The following CDH26 variants were observed in gnomAD, a reference collection of about 807,000 sequenced individuals.
CDH26 encodes cadherin 26.
A neutral mutation model predicts 90.3 loss-of-function variants in CDH26; 83 were observed. The ratio of observed to expected loss-of-function variants is 0.92; its 90% CI spans 0.77 to 1.10. The LOEUF is 1.10. Ranked by LOEUF, CDH26 falls within the 50% of genes least tolerant of loss-of-function variation. The probability of loss-of-function intolerance (pLI) is 0.00; values close to 1 mark genes in which losing one functional copy is unlikely to be tolerated. For synonymous variants in CDH26, 397 were observed against 396.3 expected, an observed-to-expected ratio of 1.00 and a Z score of -0.02; for missense variants, 1,013 against 1,037.6, an observed-to-expected ratio of 0.98 and a Z score of 0.33.
chr20:60,030,124 CATAT>C lies in CDH26; in HGVS notation c.948-1104_948-1101del, dbSNP rs1026399504. Among the ~76,000 whole-genome samples the C allele has an allele frequency of 8.5e-5, 13 of 152,142 alleles. No individual in the cohort carries two copies. The highest frequency in any genetic ancestry group is 3.1e-4 in the African/African-American group (13 of 41,422). On this transcript the variant is annotated intron_variant, in intron 7 of 8. Coordinates refer to the CDH26 transcript ENST00000370991. This position sits in a 1 kb window ranked among gnomAD's most constrained non-coding sequence, Gnocchi z 4.0. ...ACTGATATGTTAATATAAAAAAAGA[CATAT>C]ATTGAATATCTACAATCTGATATGA...
At chr20:59,981,962 G>A (rs1333054820) in intron 4 of CDH26, among the ~76,000 whole-genome samples, 1 of 152,006 alleles carries the variant, frequency 6.6e-6, no homozygotes, top group African/African-American at 2.4e-5. Flanking sequence ...GACTATACAG[G>A]TTTTCTGTTT....
intron 17 of CDH26, among the ~76,000 whole-genome samples, chr20:60,008,678 G>C (rs1166710819): frequency 2.0e-5 from 3 of 152,186 alleles, no homozygotes; most frequent in Non-Finnish European, 4.4e-5. Flanking sequence ...TCTGGATGTA[G>C]AGTCACTGTC....
rs370682137 is a variant in CDH26 at position 60,012,728 on chromosome 20, T to TAA, written c.*7_*8dup. 24 of 1,400,444 alleles carry TAA rather than the reference T, an allele frequency of 1.7e-5. No homozygotes were observed. The African/African-American group carries it at 2.5e-4, about 15-fold the overall frequency. 86.8% of individuals were successfully genotyped at this position (1,400,444 alleles called of 1,614,324 possible). The change falls in exon 18 of 18, where the codon TAA becomes TAAAA. Residue 833 remains the stop codon, a frameshift_variant and stop_retained_variant. Coordinates refer to ENST00000348616, the MANE Select transcript of CDH26 (RefSeq NM_177980.4). LOFTEE classifies it high-confidence loss of function. ...ATATTCAGAGTCAGGTGTTCCTTCC[T>TAA]AAAAAAAAAAGTCTATTTTGGAGAA... The part of the protein sequence containing the change: ...EIYSESGVPS[*]
rs895762842 is a variant in CDH26 at position 60,026,864 on chromosome 20, T to C, written c.948-4367T>C. Reference sequence around the variant, plus strand: ...GTATGACATCAAACCTTAGCATGAATGTAAACTTCCACAGGGAAGCTTTGT... The same window carrying C: ...GTATGACATCAAACCTTAGCATGAACGTAAACTTCCACAGGGAAGCTTTGT... On this transcript the variant is annotated intron_variant, in intron 7 of 8. Transcript: ENST00000370991. 1.3e-5 allele frequency among the ~76,000 whole-genome samples: 2 copies of C among 152,212 alleles called. 1 individual carries two copies. Among genetic ancestry groups the C allele is most frequent in the Admixed American group, 1.3e-4 (2 of 15,276 alleles).
In CDH26 at chr20:59,996,635, T is replaced by C. The variant is rs764178190; in HGVS notation, c.1893T>C (p.Ala631=). 2 of 1,614,234 alleles carry C rather than the reference T, an allele frequency of 1.2e-6. No individual in the cohort carries two copies. The highest frequency in any genetic ancestry group is 4.5e-5 in the East Asian group (2 of 44,878). Residue 631 remains alanine, a synonymous_variant, in exon 13 of 18, where the codon GCT becomes GCC. Transcript: ENST00000348616. The part of the protein sequence containing the change: ...VCAAFVALAV[A]LLFLLRCYFV... ...TTCCCCTTTGTCTTATAACAGTGGC[T>C]CTGCTTTTTCTGTTGCGATGCTATT...
At chr20:59,975,521 A>T (rs915285318) in intron 4 of CDH26, among the ~76,000 whole-genome samples, 4 of 152,210 alleles carry the variant, frequency 2.6e-5, no homozygotes, top group African/African-American at 7.2e-5. Context: ...GTATTTTGTT[A>T]CAACAGCCAC....
At position 59,994,426 on chromosome 20, in the gene CDH26, A is replaced by G. The variant is rs1230046155; in HGVS notation, c.1603A>G (p.Thr535Ala). 2 of 1,614,156 alleles carry G rather than the reference A, an allele frequency of 1.2e-6. No individual in the cohort carries two copies. The highest frequency in any genetic ancestry group is 1.7e-6 in the Non-Finnish European group (2 of 1,180,014). The change falls in exon 11 of 18, where the codon ACA (threonine) becomes GCA (alanine). Residue 535 changes from threonine (T) to alanine (A), a missense_variant. Physicochemically the swap from Thr to Ala is moderately conservative, Grantham distance 58. Coordinates refer to ENST00000348616, the MANE Select transcript of CDH26 (RefSeq NM_177980.4). ...CCTGGAGCCGTTCTCTGACCCATTT[A>G]CATTTGAATTGGACAATACCTGGGG... ...PDLEPFSDPF[T>A]FELDNTWGNA...
At position 59,993,184 on chromosome 20, in the gene CDH26, G is replaced by A. The variant is rs142096134; in HGVS notation, c.1426+664G>A. 9.7e-3 allele frequency among the ~76,000 whole-genome samples: 1,480 copies of A among 152,246 alleles called. 17 individuals are homozygous for A. Among genetic ancestry groups the A allele is most frequent in the South Asian group, 0.024 (116 of 4,810 alleles). On this transcript the variant is annotated intron_variant, in intron 10 of 17. Transcript: ENST00000348616. ...GTTCCTAATCAGCATTAAGGGAGGAGAAAAAATGGGGCCAGTGTTTCAGGG... is the reference window on the plus strand; with the variant it reads ...GTTCCTAATCAGCATTAAGGGAGGAAAAAAAATGGGGCCAGTGTTTCAGGG...
chr20:59,989,248 G>A (rs1293492006), intron 9 of CDH26, 85 bp downstream of exon 9: 12 of 1,557,542 alleles, frequency 7.7e-6, no homozygotes, highest in Non-Finnish European at 1.0e-5. Flanking sequence ...AACCAGCTCG[G>A]CCGGGCGCGG....
exon 8 of CDH26, chr20:60,031,275 C>G: frequency 5.5e-6 from 7 of 1,269,372 alleles, no homozygotes; most frequent in Non-Finnish European, 7.2e-6. Flanking sequence ...GCTGCATCAT[C>G]CCCCAGGGAA....
chr20:59,986,738 A>C (rs1036710812), intron 7 of CDH26, among the ~76,000 whole-genome samples: 1 of 152,026 alleles, frequency 6.6e-6, no homozygotes, highest in Non-Finnish European at 1.5e-5. Flanking sequence ...GGCACATAGA[A>C]GCTGTTGTTG....
rs2061708807 is a variant in CDH26 at position 60,003,948 on chromosome 20, C to G, written c.2220+1082C>G. On this transcript the variant is annotated intron_variant, in intron 16 of 17. Transcript: ENST00000348616. ...CCTCGGGAAGGAGCCAGGCTGGAAA[C>G]TGACACGGCGTCTTCCTCTGGTCCT... Among the ~76,000 whole-genome samples the G allele has an allele frequency of 2.6e-5, 4 of 152,330 alleles. No homozygotes were observed. In the South Asian group the frequency reaches 8.3e-4, roughly 32 times the overall value.
rs1330809083 is a variant in CDH26 at position 59,989,071 on chromosome 20, C to G, written c.1191C>G (p.His397Gln). The change falls in exon 9 of 18, where the codon CAC (histidine) becomes CAG (glutamine). Residue 397 changes from histidine to glutamine, a missense_variant. Physicochemically the swap from His to Gln is conservative, Grantham distance 24. Transcript: ENST00000348616. ...VTDANDPPAF[H>Q]PQSFIVNKEE... ...ACGCCAACGACCCACCAGCCTTTCA[C>G]CCCCAGAGCTTCATTGTCAATAAAG... 2 of 1,614,160 alleles carry G rather than the reference C, an allele frequency of 1.2e-6. No individual in the cohort carries two copies. Among genetic ancestry groups the G allele is most frequent in the Non-Finnish European group, 8.5e-7 (1 of 1,180,022 alleles).
intron 4 of CDH26, among the ~76,000 whole-genome samples, chr20:59,974,420 G>C (rs1301238791): frequency 2.0e-5 from 3 of 152,142 alleles, no homozygotes; most frequent in Non-Finnish European, 4.4e-5. Flanking sequence ...TCTAAAATGG[G>C]ACTTTGTGTC....
At chr20:60,004,384 G>A (rs577120615) in intron 16 of CDH26, among the ~76,000 whole-genome samples, 6 of 152,280 alleles carry the variant, frequency 3.9e-5, no homozygotes, top group African/African-American at 1.2e-4. Context: ...ACCTCTTGGT[G>A]TAGCCTGTTG....
chr20:60,029,205 G>C (rs533011009), intron 7 of CDH26, among the ~76,000 whole-genome samples: 10 of 152,268 alleles, frequency 6.6e-5, no homozygotes, highest in Non-Finnish European at 1.3e-4. Context: ...GTTTGTCAAC[G>C]GGTATAAAGT....
chr20:59,963,102 A>T (rs2061097144), intron 1 of CDH26, among the ~76,000 whole-genome samples: 1 of 152,056 alleles, frequency 6.6e-6, no homozygotes, highest in Non-Finnish European at 1.5e-5. Flanking sequence ...TACCTTCATG[A>T]TTGGGCTGTT....
chr20:59,958,647 G>T lies in CDH26; in HGVS notation c.-80G>T. On this transcript the variant is annotated 5_prime_UTR_variant, in exon 1 of 18. Coordinates refer to ENST00000348616, the MANE Select transcript of CDH26 (RefSeq NM_177980.4). ...GAAGAAGCTGCTGGCTGAGAAGGAG[G>T]TGTGTGGCTCCGGTGAGACCACCAG... 3 of 1,329,730 alleles carry T rather than the reference G, an allele frequency of 2.3e-6. No individual in the cohort carries two copies. The highest frequency in any genetic ancestry group is 3.7e-4 in the Middle Eastern group (2 of 5,436). 82.4% of individuals were successfully genotyped at this position (1,329,730 alleles called of 1,614,324 possible). A position where few individuals can be genotyped will look rare whatever the true frequency, so the allele number is the denominator to read the frequency against.
downstream of CDH26, among the ~76,000 whole-genome samples, chr20:60,016,857 G>A (rs538868944): frequency 6.6e-6 from 1 of 152,116 alleles, no homozygotes; most frequent in Non-Finnish European, 1.5e-5. Context: ...GGCTTTTTCT[G>A]CATCCGTTGA....
Sources: gnomAD v4.1 joint callset for allele counts (sites outside exome capture counted in the v4.1 genomes callset) on GRCh38, gnomAD v4.1.1 for gene constraint, Gnocchi (gnomAD v3.1) non-coding constraint, MANE v1.5 for transcripts, NCBI Gene and HGNC (gene_info 2026-07-23, HGNC 2026-07-21) for gene names.